Variants in SYNRG observed in about 807,000 individuals in gnomAD.
SYNRG encodes synergin gamma.
In SYNRG, 37 loss-of-function variants were observed where a neutral mutation model predicts 130.9. That is an observed-to-expected ratio of 0.28 (90% CI 0.22 to 0.37). SYNRG has a LOEUF of 0.37. SYNRG is among the 10% of genes least tolerant of loss of function. The pLI, the probability that SYNRG is intolerant of heterozygous loss-of-function variation, is 1.00. For synonymous variants in SYNRG, 539 were observed against 568.1 expected, an observed-to-expected ratio of 0.95 and a Z score of 0.73; for missense variants, 1,338 against 1,588.9, an observed-to-expected ratio of 0.84 and a Z score of 2.68.
At position 37,518,958 on chromosome 17, in the gene SYNRG, G is replaced by A; in HGVS notation, c.3927C>T (p.Val1309=). The change falls in exon 22 of 22, where the codon GTC becomes GTT. Residue 1309 remains valine (V), a synonymous_variant. Transcript: ENST00000612223. ...GAGTTGTTCAGAGCAGGTCAGGCAG[G>A]ACGAGGCCAGGAGGCTTTGGTTCGA... The part of the protein sequence containing the change: ...NCVEPKPPGL[V]LPDLL 1 of 1,614,128 alleles carries A rather than the reference G, an allele frequency of 6.2e-7. No homozygotes were observed. The highest frequency in any genetic ancestry group is 1.1e-5 in the South Asian group (1 of 91,084).
At chr17:37,556,146 G>C (rs1451679607) in intron 13 of SYNRG, among the ~76,000 whole-genome samples, 2 of 152,036 alleles carry the variant, frequency 1.3e-5, no homozygotes, top group African/African-American at 4.8e-5. Flanking sequence ...AAATAATGCA[G>C]GCTTAAAATA....
Position 37,553,920 on chromosome 17 carries a change from T to C in SYNRG, c.1803A>G (p.Gln601=). The change falls in exon 14 of 22, where the codon CAA becomes CAG. Residue 601 remains glutamine (Q), a synonymous_variant. Coordinates refer to ENST00000612223, the MANE Select transcript of SYNRG (RefSeq NM_007247.6). ...FPPSFPSGTI[Q]QKQQTQVKNP... ...TTTTCACTTGTGTTTGTTGTTTCTG[T>C]TGTATAGTTCCTGAGGGGAAGGATG... 1.9e-6 allele frequency: 3 copies of C among 1,610,884 alleles called. No homozygotes were observed. The highest frequency in any genetic ancestry group is 1.1e-5 in the South Asian group (1 of 90,388).
intron 19 of SYNRG, among the ~76,000 whole-genome samples, chr17:37,521,406 G>A (rs2055041084): frequency 6.6e-6 from 1 of 152,096 alleles, no homozygotes; most frequent in African/African-American, 2.4e-5. Context: ...AGGGTTGGGT[G>A]AGGTAGGGGA....
intron 6 of SYNRG, among the ~76,000 whole-genome samples, chr17:37,583,005 T>A (rs1038334140): frequency 1.3e-5 from 2 of 152,028 alleles, no homozygotes; most frequent in Non-Finnish European, 2.9e-5. Context: ...GGTTTTTTTT[T>A]TTTGAGATGG....
chr17:37,596,640 C>T (rs2062798428), intron 2 of SYNRG, among the ~76,000 whole-genome samples: 1 of 152,262 alleles, frequency 6.6e-6, no homozygotes, highest in East Asian at 1.9e-4. Context: ...TTCAAGATGG[C>T]CTCCAATGAC....
rs150228206 is a variant in SYNRG, at chr17:37,573,736, A to G, written c.902-1749T>C. ...AAACTATAAAACATTAATGCAATAA[A>G]TTGAAGGGGACATAAAAAAATAGAG... On this transcript the variant is annotated intron_variant, in intron 8 of 21. Transcript: ENST00000612223. Among the ~76,000 whole-genome samples the G allele has an allele frequency of 5.5e-4, 83 of 152,248 alleles. 1 individual carries two copies. In the East Asian group the frequency reaches 0.013, roughly 24 times the overall value.
At chr17:37,588,603 T>C (rs1382940777) in intron 3 of SYNRG, among the ~76,000 whole-genome samples, 1 of 152,214 alleles carries the variant, frequency 6.6e-6, no homozygotes, top group Non-Finnish European at 1.5e-5. Context: ...ACTGTACAAC[T>C]GGAGTTACAC....
chr17:37,535,408 C>G (rs919373112), intron 19 of SYNRG, among the ~76,000 whole-genome samples: 1 of 152,150 alleles, frequency 6.6e-6, no homozygotes. Flanking sequence ...ATTTGGAAAG[C>G]CTTCTAATAA....
At chr17:37,536,227 G>A in intron 18 of SYNRG, 100 bp from the exon 19 acceptor site, 4 of 1,344,752 alleles carry the variant, frequency 3.0e-6, no homozygotes, top group East Asian at 2.5e-5. Context: ...GAGAAACAAT[G>A]GGTGTATCTG....
chr17:37,588,304 CA>C (rs2061860983), intron 3 of SYNRG, among the ~76,000 whole-genome samples: 1 of 143,776 alleles, frequency 7.0e-6, no homozygotes, highest in Non-Finnish European at 1.5e-5. Context: ...ACTCTGTCAC[CA>C]AAGTTGGGAT....
At chr17:37,540,627 C>CTTATTT in intron 15 of SYNRG, 84 bp from the exon 16 acceptor site, 1 of 864,532 alleles carries the variant, frequency 1.2e-6, no homozygotes, top group Non-Finnish European at 1.6e-6. Flanking sequence ...CCACAACCCT[C>CTTATTT]TTCTTTTTTT....
chr17:37,538,525 A>C (rs1598178191), intron 17 of SYNRG, 105 bp from the exon 18 acceptor site: 1 of 704,230 alleles, frequency 1.4e-6, no homozygotes, highest in South Asian at 1.9e-5. Context: ...GGTGTCAAAA[A>C]ATCTCATTTT....
rs1282203620 is a variant in SYNRG, at chr17:37,600,218, C to T, written c.118+145G>A. 36 of 629,352 alleles carry T rather than the reference C, an allele frequency of 5.7e-5. No homozygotes were observed. In the South Asian group the frequency reaches 7.9e-4, roughly 14 times the overall value. The allele number at this position is 629,352 out of a possible 1,614,324, so 39.0% of individuals were successfully genotyped here. A position where few individuals can be genotyped will look rare whatever the true frequency, so the allele number is the denominator to read the frequency against. On this transcript the variant is annotated intron_variant, in intron 2 of 21. Transcript: ENST00000612223. ...TTTGAGAAAATTTAAGAGTAGCTGT[C>T]ATATAGGACATACAGGTTTAAGAGT...
Position 37,554,025 on chromosome 17 carries a change from A to G in SYNRG, c.1698T>C (p.Thr566=). The G allele has an allele frequency of 6.2e-7, 1 of 1,606,068 alleles. No individual in the cohort carries two copies. The highest frequency in any genetic ancestry group is 8.5e-7 in the Non-Finnish European group (1 of 1,178,330). ...TTTTAAAATCGGTGAAACCATCATC[A>G]GTTCCTGCAGATCTGAATTCTGCAA... The part of the protein sequence containing the change: ...ESFAEFRSAG[T]DDGFTDFKTA... The change falls in exon 14 of 22, where the codon ACT becomes ACC. Residue 566 remains threonine (T), a synonymous_variant. Coordinates refer to ENST00000612223, the MANE Select transcript of SYNRG (RefSeq NM_007247.6).
chr17:37,600,234 G>A, intron 2 of SYNRG, 129 bp downstream of exon 2: 1 of 750,408 alleles, frequency 1.3e-6, no homozygotes, highest in South Asian at 1.9e-5. Flanking sequence ...GGACATACAG[G>A]TTTAAGAGTG....
rs746578463 is a variant in SYNRG, at chr17:37,577,579, A to C, written c.624T>G (p.Cys208Trp). The change falls in exon 7 of 22, where the codon TGT (cysteine) becomes TGG (tryptophan). Residue 208 changes from cysteine to tryptophan, a missense_variant. Physicochemically the swap from Cys to Trp is radical, Grantham distance 215. Transcript: ENST00000612223. ...PSLEEKFLVS[C>W]DISTSGQEQI... ...GTTCCTGCCCAGATGTACTTATATC[A>C]CAAGATACTAGGAACTTCTCCTCCA... The C allele has an allele frequency of 6.9e-5, 112 of 1,614,022 alleles. No individual in the cohort carries two copies. Among genetic ancestry groups the C allele is most frequent in the Non-Finnish European group, 9.4e-5 (111 of 1,180,028 alleles).
intron 1 of SYNRG, among the ~76,000 whole-genome samples, chr17:37,607,860 G>T (rs1374382801): frequency 1.3e-5 from 2 of 148,444 alleles, no homozygotes; most frequent in Non-Finnish European, 3.0e-5. Flanking sequence ...CGAGGCTGAG[G>T]CAAGAGAATC....
At chr17:37,592,655 G>C (rs2062303223) in intron 3 of SYNRG, among the ~76,000 whole-genome samples, 1 of 152,168 alleles carries the variant, frequency 6.6e-6, no homozygotes, top group African/African-American at 2.4e-5. Flanking sequence ...TATTCTAAGC[G>C]ACAAACGCCA....
intron 9 of SYNRG, 131 bp from the exon 10 acceptor site, chr17:37,571,016 T>C (rs1346728485): frequency 1.6e-6 from 2 of 1,245,244 alleles, no homozygotes; most frequent in African/African-American, 3.0e-5. Context: ...ACTCATGAAT[T>C]TGATTTAAGA....
Sources: gnomAD v4.1 joint callset for allele counts (sites outside exome capture counted in the v4.1 genomes callset) on GRCh38, gnomAD v4.1.1 for gene constraint, MANE v1.5 for transcripts, NCBI Gene and HGNC (gene_info 2026-07-23, HGNC 2026-07-21) for gene names.